The following TBCD variants were observed in gnomAD, a reference collection of about 807,000 sequenced individuals.
TBCD encodes tubulin folding cofactor D.
Under a neutral mutation model 169.3 loss-of-function variants are expected in TBCD, and 105 were observed. The ratio of observed to expected loss-of-function variants is 0.62; its 90% confidence interval spans 0.53 to 0.73. The LOEUF is 0.73. TBCD is among the 30% of genes least tolerant of loss of function. The pLI is 0.00. For synonymous variants in TBCD, 700 were observed against 643.9 expected, an observed-to-expected ratio of 1.09 and a Z score of -1.32; for missense variants, 1,444 against 1,600.1, an observed-to-expected ratio of 0.90 and a Z score of 1.66.
Position 82,939,596 on chromosome 17 carries a change from G to C in TBCD, c.3479+120G>C, listed in dbSNP as rs565289731. ...ATAGGAGGAGGAAAGAGGGTTCCCA[G>C]GTCTCCACATCCTCTGCTTAGGTTT... On this transcript the variant is annotated intron_variant, in intron 37 of 38. Coordinates refer to ENST00000355528, the MANE Select transcript of TBCD (RefSeq NM_005993.5). 39 of 783,540 alleles carry C rather than the reference G, an allele frequency of 5.0e-5. No individual in the cohort carries two copies. The African/African-American group carries it at 5.9e-4, about 12-fold the overall frequency. 48.5% of individuals were successfully genotyped at this position (783,540 alleles called of 1,614,324 possible).
chr17:82,759,582 C>A (rs538833624), intron 2 of TBCD, among the ~76,000 whole-genome samples: 1 of 152,290 alleles, frequency 6.6e-6, no homozygotes, highest in African/African-American at 2.4e-5. Context: ...CTTGGCCTCC[C>A]ACAGTGCTGG....
chr17:82,919,963 G>A (rs1381518301), intron 23 of TBCD, among the ~76,000 whole-genome samples: 1 of 152,346 alleles, frequency 6.6e-6, no homozygotes, highest in Non-Finnish European at 1.5e-5. Flanking sequence ...GTCTGCGAGT[G>A]GGTTCCGTTG....
chr17:82,920,428 G>A lies in TBCD; in HGVS notation c.2039-128G>A. 1.4e-6 allele frequency: 1 copy of A among 725,924 alleles called. No homozygotes were observed. Among genetic ancestry groups the A allele is most frequent in the Non-Finnish European group, 2.3e-6 (1 of 432,384 alleles). 45.0% of individuals were successfully genotyped at this position (725,924 alleles called of 1,614,324 possible). On this transcript the variant is annotated intron_variant, in intron 23 of 38. Transcript: ENST00000355528. The surrounding 1 kb of genome is among the most constrained non-coding windows in gnomAD (Gnocchi z 4.1). ...TGGGATGTTTCCAGCCCTGGCAGCA[G>A]GGTAGGTTGGGCGGGTGAGGGGCAG...
rs900010901 is a variant in TBCD at position 82,876,983 on chromosome 17, T to G, written c.1475+6603T>G. On this transcript the variant is annotated intron_variant, in intron 14 of 38. Transcript: ENST00000355528. ...AGTAACCTTAGAGGGTTAGACTTGG[T>G]GAGGATGGTAGATGATTTTAAGTTT... The G allele has an allele frequency of 8.1e-6, 8 of 985,288 alleles. No homozygotes were observed. In the Admixed American group the frequency reaches 3.7e-4, roughly 45 times the overall value. The allele number at this position is 985,288 out of a possible 1,614,324, so 61.0% of individuals were successfully genotyped here.
chr17:82,925,607 C>T (rs1351844225), intron 27 of TBCD, among the ~76,000 whole-genome samples: 1 of 152,236 alleles, frequency 6.6e-6, no homozygotes, highest in Non-Finnish European at 1.5e-5. Context: ...TTCCCCACGC[C>T]CTTCCCTCCC....
chr17:82,841,790 C>T (rs931217302), intron 13 of TBCD, among the ~76,000 whole-genome samples: 1 of 152,112 alleles, frequency 6.6e-6, no homozygotes, highest in Non-Finnish European at 1.5e-5. Flanking sequence ...TGAGGTGGCT[C>T]CGTGGGAGAA....
chr17:82,942,808 G>C lies in TBCD; in HGVS notation c.*345G>C. ...AGGTGGGCTGCACTCCTCCTGCCTG[G>C]AGACCAGGCCCCCTTCTTGCCTGGT... On this transcript the variant is annotated 3_prime_UTR_variant, in exon 39 of 39. Transcript: ENST00000355528. 2 of 403,048 alleles carry C rather than the reference G, an allele frequency of 5.0e-6. No homozygotes were observed. Among genetic ancestry groups the C allele is most frequent in the Non-Finnish European group, 8.9e-6 (2 of 224,572 alleles). 25.0% of individuals were successfully genotyped at this position (403,048 alleles called of 1,614,324 possible). A position where few individuals can be genotyped will look rare whatever the true frequency, so the allele number is the denominator to read the frequency against.
At chr17:82,834,168 G>T (rs578230133) in intron 13 of TBCD, among the ~76,000 whole-genome samples, 2 of 152,032 alleles carry the variant, frequency 1.3e-5, no homozygotes, top group African/African-American at 2.4e-5. Context: ...GGCTGGTCTC[G>T]AGCTCCTGAC....
At chr17:82,779,390 G>A (rs192800684) in intron 6 of TBCD, among the ~76,000 whole-genome samples, 81 of 152,256 alleles carry the variant, frequency 5.3e-4, no homozygotes, top group African/African-American at 1.8e-3. Context: ...CAAATTGCTG[G>A]GATTACAGGG....
chr17:82,825,825 C>G (rs566815436), intron 13 of TBCD, among the ~76,000 whole-genome samples: 2 of 152,188 alleles, frequency 1.3e-5, no homozygotes, highest in African/African-American at 4.8e-5. Context: ...CAGGGCTGGG[C>G]GCCATGTCTC....
chr17:82,924,272 G>C (rs1381417618), intron 26 of TBCD, among the ~76,000 whole-genome samples: 1 of 152,140 alleles, frequency 6.6e-6, no homozygotes, highest in Non-Finnish European at 1.5e-5. Context: ...TAGAATTTTT[G>C]TATGCACCGT....
At chr17:82,926,376 C>T (rs1403312967) in intron 27 of TBCD, 24 bp from the exon 28 acceptor site, 2 of 1,609,802 alleles carry the variant, frequency 1.2e-6, no homozygotes, top group African/African-American at 2.7e-5. Flanking sequence ...TATGGTTCTT[C>T]TGTGATTCTT....
chr17:82,797,713 C>G (rs1598553506), intron 7 of TBCD, 44 bp from the exon 8 acceptor site: 14 of 1,367,696 alleles, frequency 1.0e-5, no homozygotes, highest in Non-Finnish European at 1.4e-5. Flanking sequence ...TTTTAAACTT[C>G]TATTTGTATT....
intron 7 of TBCD, among the ~76,000 whole-genome samples, chr17:82,784,874 C>T (rs1368908483): frequency 6.6e-6 from 1 of 152,238 alleles, no homozygotes; most frequent in Non-Finnish European, 1.5e-5. Context: ...CTCCCCGAAC[C>T]ATTGCAGTGG....
intron 34 of TBCD, among the ~76,000 whole-genome samples, chr17:82,933,801 C>T (rs1181082555): frequency 1.3e-5 from 2 of 152,004 alleles, no homozygotes; most frequent in South Asian, 2.1e-4. Flanking sequence ...TTAGTAGATA[C>T]AGGGTTTCAC....
rs749237672 is a variant in TBCD at position 82,923,720 on chromosome 17, T to C, written c.2247T>C (p.Asp749=). Residue 749 remains aspartate, a synonymous_variant, in exon 26 of 39, where the codon GAT becomes GAC. Coordinates refer to ENST00000355528, the MANE Select transcript of TBCD (RefSeq NM_005993.5). This position sits in a 1 kb window ranked among gnomAD's most constrained non-coding sequence, Gnocchi z 4.6. ...ACATGAAGGAGCCGGGGGAGGCAGA[T>C]CCCGCAATTCAGGGTGAGTGGGGAG... is the stretch of plus-strand genomic sequence containing the variant. ...EYYMKEPGEA[D]PAIQEELITQ... is the part of the protein sequence containing the mutation. The C allele has an allele frequency of 6.3e-7, 1 of 1,599,128 alleles. No individual in the cohort carries two copies. The highest frequency in any genetic ancestry group is 8.5e-7 in the Non-Finnish European group (1 of 1,173,074).
At position 82,832,592 on chromosome 17, in the gene TBCD, GTGCTGAGGGTC is replaced by G; in HGVS notation, c.1318+17661_1318+17671del. 1.3e-6 allele frequency: 1 copy of G among 779,164 alleles called. No homozygotes were observed. The highest frequency in any genetic ancestry group is 2.2e-6 in the Non-Finnish European group (1 of 462,286). The allele number at this position is 779,164 out of a possible 1,614,324, so 48.3% of individuals were successfully genotyped here. On this transcript the variant is annotated intron_variant, in intron 13 of 38. Coordinates refer to ENST00000355528, the MANE Select transcript of TBCD (RefSeq NM_005993.5). The surrounding 1 kb of genome is among the most constrained non-coding windows in gnomAD (Gnocchi z 4.9). ...CACTTCTATCAGAAGCCAGCTCTGCGTGCTGAGGGTCTGGCGAGAGCCTCCGTCATCTGGCG... is the reference window on the plus strand; with the variant it reads ...CACTTCTATCAGAAGCCAGCTCTGCGTGGCGAGAGCCTCCGTCATCTGGCG...
At chr17:82,937,782 G>A (rs912212949) in intron 35 of TBCD, 6 of 1,239,228 alleles carry the variant, frequency 4.8e-6, no homozygotes, top group Admixed American at 5.2e-5. Context: ...TGAGGTGGGG[G>A]TCCTCATGGC....
intron 30 of TBCD, 113 bp downstream of exon 30, chr17:82,928,101 C>G (rs1279820086): frequency 3.0e-5 from 27 of 913,212 alleles, no homozygotes; most frequent in Non-Finnish European, 4.3e-5. Flanking sequence ...TGGGCACACA[C>G]CCTCCTCCCA....
Sources: allele counts gnomAD v4.1 joint callset (sites outside exome capture counted in the v4.1 genomes callset), GRCh38; gene constraint gnomAD v4.1.1; non-coding constraint Gnocchi (gnomAD v3.1); transcripts MANE v1.5; gene names NCBI Gene and HGNC (gene_info 2026-07-23, HGNC 2026-07-21).